The following RELN variants were observed in gnomAD, a reference collection of about 807,000 sequenced individuals.
RELN encodes the protein reelin.
A neutral mutation model predicts 427.6 loss-of-function variants in RELN; 108 were observed. The ratio of observed to expected loss-of-function variants is 0.25; its 90% confidence interval spans 0.22 to 0.30. RELN has a LOEUF of 0.30. Among genes scored for constraint, RELN ranks in the 10% least tolerant of loss-of-function variants. The pLI is 1.00. For missense variants in RELN, 3,715 were observed against 4,302.8 expected (o/e 0.86, Z 3.82); for synonymous variants, 1,524 against 1,513.4 (o/e 1.01, Z -0.16).
At chr7:103,763,930 T>G (rs1453313260) in intron 4 of RELN, among the ~76,000 whole-genome samples, 1 of 151,520 alleles carries the variant, frequency 6.6e-6, no homozygotes, top group East Asian at 1.9e-4. Context: ...AAGAAAGGGG[T>G]TGGTTTAAGA....
intron 3 of RELN, among the ~76,000 whole-genome samples, chr7:103,825,109 T>A (rs1158639395): frequency 6.6e-6 from 1 of 152,122 alleles, no homozygotes; most frequent in Admixed American, 6.6e-5. Flanking sequence ...TCAAATTCCA[T>A]TAATGCTCAT....
intron 2 of RELN, among the ~76,000 whole-genome samples, chr7:103,907,891 C>A (rs73183745): frequency 0.13 from 20,051 of 151,676 alleles, 1,468 homozygotes; most frequent in South Asian, 0.22. Context: ...ACGCATCAAC[C>A]CGTCATTTAG....
At chr7:103,961,384 T>C (rs1235069703) in intron 1 of RELN, among the ~76,000 whole-genome samples, 3 of 150,800 alleles carry the variant, frequency 2.0e-5, no homozygotes, top group Non-Finnish European at 4.4e-5. Context: ...AAAAGACTGA[T>C]GAATTTAGTT....
chr7:103,700,143 T>C (rs1834060698), intron 9 of RELN, among the ~76,000 whole-genome samples: 1 of 152,088 alleles, frequency 6.6e-6, no homozygotes, highest in South Asian at 2.1e-4. Context: ...GTTATGCTAA[T>C]TTAAGAGCTA....
At chr7:103,796,236 A>T (rs1250839198) in intron 3 of RELN, among the ~76,000 whole-genome samples, 3 of 152,172 alleles carry the variant, frequency 2.0e-5, no homozygotes, top group African/African-American at 7.2e-5. Flanking sequence ...AAGAAGAAAC[A>T]CTATGTGAGT....
At chr7:103,937,966 T>C (rs1217700781) in intron 1 of RELN, among the ~76,000 whole-genome samples, 1 of 152,170 alleles carries the variant, frequency 6.6e-6, no homozygotes, top group Non-Finnish European at 1.5e-5. Context: ...TTCATTTTTG[T>C]GAATGAATTT....
chr7:103,583,342 A>C (rs1272870744), intron 28 of RELN, among the ~76,000 whole-genome samples: 1 of 152,150 alleles, frequency 6.6e-6, no homozygotes, highest in Non-Finnish European at 1.5e-5. Context: ...ATCCCCTCTC[A>C]TGTATCTACA....
At chr7:103,977,311 A>G (rs1194276396) in intron 1 of RELN, among the ~76,000 whole-genome samples, 4 of 16,986 alleles carry the variant, frequency 2.4e-4, no homozygotes, top group Non-Finnish European at 4.6e-4. Flanking sequence ...ACTCTGTCTC[A>G]AAAAAAAAAA....
chr7:103,499,270 T>A (rs950962333), intron 53 of RELN, among the ~76,000 whole-genome samples: 2 of 152,200 alleles, frequency 1.3e-5, no homozygotes, highest in Non-Finnish European at 2.9e-5. Flanking sequence ...CTAAGAATGA[T>A]TGACAACCAG....
chr7:103,493,725 C>G (rs1299603149), intron 57 of RELN, among the ~76,000 whole-genome samples: 1 of 151,934 alleles, frequency 6.6e-6, no homozygotes, highest in East Asian at 1.9e-4. Context: ...GAGCAGAGAA[C>G]CCAGAAGCCT....
At chr7:103,964,083 G>A (rs141626884) in intron 1 of RELN, among the ~76,000 whole-genome samples, 208 of 152,190 alleles carry the variant, frequency 1.4e-3, no homozygotes, top group African/African-American at 4.8e-3. Context: ...CACTTGAGCA[G>A]GGGAGGTGGA....
chr7:103,747,554 G>A (rs1790875350), intron 6 of RELN, among the ~76,000 whole-genome samples: 1 of 151,858 alleles, frequency 6.6e-6, no homozygotes, highest in Admixed American at 6.6e-5. Flanking sequence ...TCAAACCAGG[G>A]TAGTCTGATA....
intron 6 of RELN, among the ~76,000 whole-genome samples, chr7:103,739,696 C>G (rs1790590955): frequency 6.6e-6 from 1 of 152,192 alleles, no homozygotes; most frequent in Non-Finnish European, 1.5e-5. Context: ...CTTCTCATCT[C>G]TCATTCAAAC....
intron 10 of RELN, among the ~76,000 whole-genome samples, chr7:103,686,824 T>C (rs1833774680): frequency 6.6e-6 from 1 of 152,160 alleles, no homozygotes; most frequent in South Asian, 2.1e-4. Context: ...AAAGAAAACT[T>C]AAAATAGAAA....
At chr7:103,709,298 TTCTGCC>T (rs1789730329) in intron 8 of RELN, among the ~76,000 whole-genome samples, 1 of 152,150 alleles carries the variant, frequency 6.6e-6, no homozygotes, top group Non-Finnish European at 1.5e-5. Context: ...CATCACATGG[TTCTGCC>T]AATGCTACAT....
At chr7:103,486,960 T>A (rs941963437) in intron 60 of RELN, among the ~76,000 whole-genome samples, 1 of 152,242 alleles carries the variant, frequency 6.6e-6, no homozygotes, top group African/African-American at 2.4e-5. Context: ...TGCACACTTA[T>A]GTTTATTGCA....
At chr7:103,799,030 C>G (rs1554421573) in intron 3 of RELN, among the ~76,000 whole-genome samples, 2 of 152,176 alleles carry the variant, frequency 1.3e-5, no homozygotes, top group Non-Finnish European at 2.9e-5. Flanking sequence ...CCTACCCCCT[C>G]TTTTCTTTTT....
At chr7:103,845,248 T>C (rs1793646884) in intron 2 of RELN, among the ~76,000 whole-genome samples, 1 of 152,088 alleles carries the variant, frequency 6.6e-6, no homozygotes, top group Admixed American at 6.5e-5. Context: ...TGGAGTGCAG[T>C]GGTACAATCT....
intron 4 of RELN, among the ~76,000 whole-genome samples, chr7:103,759,224 A>G (rs1047535658): frequency 9.2e-5 from 14 of 152,136 alleles, no homozygotes; most frequent in Admixed American, 7.2e-4. Flanking sequence ...TTGAATGAAC[A>G]CAAGATCTCT....
Sources: gnomAD v4.1 joint callset for allele counts (sites outside exome capture counted in the v4.1 genomes callset) on GRCh38, gnomAD v4.1.1 for gene constraint, MANE v1.5 for transcripts, NCBI Gene and HGNC (gene_info 2026-07-23, HGNC 2026-07-21) for gene names.